The following SCN1A variants were observed in gnomAD, a reference collection of about 807,000 sequenced individuals.
SCN1A encodes sodium channel protein type 1 subunit alpha.
SCN1A carries 13 observed loss-of-function variants against 193.7 expected under a neutral mutation model. The observed-to-expected ratio is 0.07, with a 90% confidence interval of 0.04 to 0.11. SCN1A has a LOEUF of 0.11. SCN1A is among the 10% of genes least tolerant of loss of function. The pLI is 1.00. For synonymous variants in SCN1A, 781 were observed against 843.6 expected, an observed-to-expected ratio of 0.93 and a Z score of 1.29; for missense variants, 1,432 against 2,451.1, an observed-to-expected ratio of 0.58 and a Z score of 8.78.
intron 22 of SCN1A, among the ~76,000 whole-genome samples, 199 bp from the exon 23 acceptor site, chr2:166,010,040 A>G (rs1195825761): frequency 6.6e-6 from 1 of 150,970 alleles, no homozygotes; most frequent in Non-Finnish European, 1.5e-5. Flanking sequence ...ATTAATTAAA[A>G]GCTAGTTGAA....
chr2:166,126,083 T>C (rs188910634), intron 2 of SCN1A, among the ~76,000 whole-genome samples: 8 of 152,276 alleles, frequency 5.3e-5, no homozygotes, highest in African/African-American at 1.4e-4. Context: ...GCTGGGTCCA[T>C]GTGATATAAC....
chr2:166,089,151 A>G (rs1237483899), intron 2 of SCN1A, among the ~76,000 whole-genome samples: 5 of 151,864 alleles, frequency 3.3e-5, no homozygotes, highest in Admixed American at 3.3e-4. Flanking sequence ...TATTTCTCCT[A>G]TCCCTCCCCT....
rs1010729430 is a variant in SCN1A at position 165,992,690 on chromosome 2, C to T, written c.4853-268G>A. 2.8e-5 allele frequency: 5 copies of T among 178,252 alleles called. No individual in the cohort carries two copies. The highest frequency in any genetic ancestry group is 1.2e-4 in the African/African-American group (5 of 41,716). 11.0% of individuals were successfully genotyped at this position (178,252 alleles called of 1,614,324 possible). A position where few individuals can be genotyped will look rare whatever the true frequency, so the allele number is the denominator to read the frequency against. On this transcript the variant is annotated intron_variant, in intron 28 of 28. Transcript: ENST00000674923. This position sits in a 1 kb window ranked among gnomAD's most constrained non-coding sequence, Gnocchi z 6.5. ...AACTACTTTTAGTTTATGTAAAGTC[C>T]CAAGTCAGAATTTAAAAAGAAAATA...
intron 2 of SCN1A, among the ~76,000 whole-genome samples, chr2:166,104,605 T>C (rs999304616): frequency 1.3e-5 from 2 of 152,054 alleles, no homozygotes; most frequent in African/African-American, 4.8e-5. Context: ...TAACCAGGCA[T>C]GGTGGTGCGT....
In SCN1A at chr2:165,998,128, G is replaced by A. The variant is rs587781146; in HGVS notation, c.4386C>T (p.Tyr1462=). The A allele has an allele frequency of 3.1e-6, 5 of 1,605,672 alleles. No individual in the cohort carries two copies. In the Admixed American group the frequency reaches 5.0e-5, roughly 16 times the overall value. Residue 1462 remains tyrosine, a synonymous_variant, in exon 26 of 29, where the codon TAC becomes TAT. Coordinates refer to ENST00000674923, the MANE Select transcript of SCN1A (RefSeq NM_001165963.4). ...KYEESLYMYL[Y]FVIFIIFGSF... is the part of the protein sequence containing the mutation. ...ACCCAAAGATGATGAAAATAACAAA[G>A]TAAAGATACATGTACAGACTTTCTT...
chr2:166,114,004 C>A (rs1028086634), intron 2 of SCN1A, among the ~76,000 whole-genome samples: 1 of 152,024 alleles, frequency 6.6e-6, no homozygotes, highest in Non-Finnish European at 1.5e-5. Flanking sequence ...TAATAACAAA[C>A]CTGTAACTAT....
chr2:166,075,428 T>C (rs962649190), intron 3 of SCN1A: 4 of 152,056 alleles, frequency 2.6e-5, no homozygotes, highest in African/African-American at 9.7e-5. Flanking sequence ...AATCTTATTA[T>C]ACAAACTGTT....
At chr2:166,074,272 CATAAAG>C (rs956822587) in intron 3 of SCN1A, among the ~76,000 whole-genome samples, 2 of 152,098 alleles carry the variant, frequency 1.3e-5, no homozygotes, top group Non-Finnish European at 2.9e-5. Context: ...TACTTGAACA[CATAAAG>C]ATAAAGACAG....
intron 2 of SCN1A, among the ~76,000 whole-genome samples, chr2:166,085,420 T>C (rs1559305601): frequency 6.6e-6 from 1 of 152,202 alleles, no homozygotes; most frequent in African/African-American, 2.4e-5. Context: ...TGCAGAATTC[T>C]GTGTGGAATT....
chr2:166,046,752 GA>G lies in SCN1A; in HGVS notation c.1377+17del. ...CAGAACGATAAAAGGTCAGTGCCAT[GA>G]GACAGGGCAGCTTTACCTGAGCTGC... On this transcript the variant is annotated intron_variant, in intron 12 of 28. Coordinates refer to ENST00000674923, the MANE Select transcript of SCN1A (RefSeq NM_001165963.4). 1 of 1,612,086 alleles carries G rather than the reference GA, an allele frequency of 6.2e-7. No homozygotes were observed. The highest frequency in any genetic ancestry group is 1.1e-5 in the South Asian group (1 of 91,036).
rs74535880 is a variant in SCN1A at position 166,147,904 on chromosome 2, T to G, written c.-50+1143A>C. ...CATTCCTTTAATTTAATTTTTAAAA[T>G]GCAAGAAATTTTAGATACTTTAAAA... On this transcript the variant is annotated intron_variant, in intron 1 of 26. Coordinates refer to the SCN1A transcript ENST00000635750. Among the ~76,000 whole-genome samples the G allele has an allele frequency of 4.4e-3, 664 of 152,330 alleles. 27 individuals carry two copies. In the East Asian group the frequency reaches 0.084, roughly 19 times the overall value.
At chr2:166,122,822 G>A (rs1264360240) in intron 2 of SCN1A, among the ~76,000 whole-genome samples, 6 of 152,068 alleles carry the variant, frequency 3.9e-5, no homozygotes, top group East Asian at 3.9e-4. Context: ...ATTAGGCAAC[G>A]GTTTCTTATA....
At chr2:166,069,027 T>C (rs1684137873) in intron 4 of SCN1A, among the ~76,000 whole-genome samples, 1 of 151,928 alleles carries the variant, frequency 6.6e-6, no homozygotes, top group Non-Finnish European at 1.5e-5. Context: ...GGCCAAATGG[T>C]ACAAAATCAG....
At chr2:166,125,701 G>T (rs942135742) in intron 2 of SCN1A, among the ~76,000 whole-genome samples, 2 of 152,052 alleles carry the variant, frequency 1.3e-5, no homozygotes, top group Admixed American at 6.5e-5. Flanking sequence ...TGGTATCTCT[G>T]GTTGGTACAA....
intron 19 of SCN1A, 122 bp downstream of exon 19, chr2:166,035,926 T>C: frequency 1.1e-6 from 1 of 951,802 alleles, no homozygotes; most frequent in Non-Finnish European, 1.5e-6. Flanking sequence ...TTTTGTATTA[T>C]CATAAAGTAA....
chr2:165,993,180 A>AGTGTGTGTCTGTGTGTGT (rs1689498024), intron 28 of SCN1A: 1 of 143,166 alleles, frequency 7.0e-6, no homozygotes, highest in South Asian at 2.3e-4. Flanking sequence ...GAAGTGTAAG[A>AGTGTGTGTCTGTGTGTGT]GTGTGTGTGT....
At chr2:166,087,649 A>T (rs1350353174) in intron 2 of SCN1A, among the ~76,000 whole-genome samples, 1 of 152,118 alleles carries the variant, frequency 6.6e-6, no homozygotes, top group Admixed American at 6.5e-5. Context: ...TAAGTCAAGT[A>T]AACCTCTTTT....
intron 2 of SCN1A, among the ~76,000 whole-genome samples, chr2:166,124,239 C>CTT (rs199847499): frequency 6.9e-6 from 1 of 144,618 alleles, no homozygotes; most frequent in Non-Finnish European, 1.5e-5. Context: ...TACAGGAGAG[C>CTT]TTTTTTTTTT....
At position 166,052,817 on chromosome 2, in the gene SCN1A, G is replaced by C. The variant is rs770954374; in HGVS notation, c.694+35C>G. On this transcript the variant is annotated intron_variant, in intron 8 of 28. Transcript: ENST00000674923. ...AGCAGAGAAGGATGCTGAATCACAT[G>C]ATGGGTCCGTCTCATTATCTAACCT... 2.7e-6 allele frequency: 4 copies of C among 1,496,930 alleles called. No homozygotes were observed. The South Asian group carries it at 4.5e-5, about 17-fold the overall frequency. 92.7% of individuals were successfully genotyped at this position (1,496,930 alleles called of 1,614,324 possible). A position where few individuals can be genotyped will look rare whatever the true frequency, so the allele number is the denominator to read the frequency against.
Sources: gnomAD v4.1 joint callset for allele counts (sites outside exome capture counted in the v4.1 genomes callset) on GRCh38, gnomAD v4.1.1 for gene constraint, Gnocchi (gnomAD v3.1) non-coding constraint, MANE v1.5 for transcripts, NCBI Gene and HGNC (gene_info 2026-07-23, HGNC 2026-07-21) for gene names.